Variants in CA8 observed in about 807,000 individuals in gnomAD.
CA8 encodes carbonic anhydrase 8 (inactive), also known as carbonic anhydrase-related protein.
A neutral mutation model predicts 41.4 loss-of-function variants in CA8; 22 were observed. That is an observed-to-expected ratio of 0.53 (90% CI 0.38 to 0.76). CA8 has a LOEUF of 0.76. Among genes scored for constraint, CA8 ranks in the 30% least tolerant of loss-of-function variants. The pLI is 0.00. For synonymous variants in CA8, 121 were observed against 130.6 expected (o/e 0.93, Z 0.50); for missense variants, 270 against 352.8 (o/e 0.77, Z 1.88).
intron 3 of CA8, among the ~76,000 whole-genome samples, chr8:60,243,088 A>C (rs1242960333): frequency 6.6e-6 from 1 of 152,186 alleles, no homozygotes; most frequent in African/African-American, 2.4e-5. Flanking sequence ...CAAGTGTTTA[A>C]ACTCTACAAT....
intron 8 of CA8, among the ~76,000 whole-genome samples, chr8:60,203,736 T>A (rs1302957858): frequency 6.6e-6 from 1 of 152,138 alleles, no homozygotes; most frequent in African/African-American, 2.4e-5. Context: ...TCTGCACTTG[T>A]TTTTTTAGCA....
chr8:60,281,033 C>T lies in CA8; in HGVS notation c.100+15G>A. On this transcript the variant is annotated intron_variant, in intron 1 of 8. Coordinates refer to ENST00000317995, the MANE Select transcript of CA8 (RefSeq NM_004056.6). ...CGCCGCGGGACCCCGGACACCCCGA[C>T]TCGCGGCCACTTACCTTCCTCGTAG... 1 of 1,595,486 alleles carries T rather than the reference C, an allele frequency of 6.3e-7. No individual in the cohort carries two copies.
intron 8 of CA8, among the ~76,000 whole-genome samples, chr8:60,200,906 GTATTTATTAT>G (rs750953676): frequency 0.017 from 2,629 of 152,110 alleles, 32 homozygotes; most frequent in Middle Eastern, 0.048. Context: ...ATTTAATCTT[GTATTTATTAT>G]CTTGTATTTA....
intron 3 of CA8, among the ~76,000 whole-genome samples, chr8:60,245,969 A>G (rs922490149): frequency 2.0e-5 from 3 of 152,218 alleles, no homozygotes; most frequent in Non-Finnish European, 4.4e-5. Flanking sequence ...GTGAACAATC[A>G]TCAATGGCCA....
chr8:60,281,014 G>A (rs370751267), intron 1 of CA8, 34 bp downstream of exon 1: 2 of 1,513,064 alleles, frequency 1.3e-6, no homozygotes, highest in Non-Finnish European at 9.2e-7. Context: ...ACGCCGCCGC[G>A]GGACCCCGGA....
chr8:60,256,826 A>C (rs1808656250), intron 3 of CA8, among the ~76,000 whole-genome samples: 1 of 152,222 alleles, frequency 6.6e-6, no homozygotes, highest in Non-Finnish European at 1.5e-5. Context: ...TGACCTGGAA[A>C]TGTCATATTG....
chr8:60,238,208 T>C (rs1210617239), intron 3 of CA8, among the ~76,000 whole-genome samples: 1 of 152,146 alleles, frequency 6.6e-6, no homozygotes, highest in East Asian at 1.9e-4. Context: ...CTGAGAAAAA[T>C]AAGTTTGAAG....
At chr8:60,261,865 C>G (rs1176047301) in intron 3 of CA8, among the ~76,000 whole-genome samples, 9 of 152,138 alleles carry the variant, frequency 5.9e-5, no homozygotes, top group African/African-American at 1.9e-4. Context: ...GCGCCCGTCA[C>G]CACACCCGGC....
chr8:60,231,916 C>T (rs1807659555), intron 4 of CA8, among the ~76,000 whole-genome samples: 1 of 152,150 alleles, frequency 6.6e-6, no homozygotes, highest in Admixed American at 6.5e-5. Flanking sequence ...TAATCTACTA[C>T]ATACTTCTAT....
At position 60,250,640 on chromosome 8, in the gene CA8, C is replaced by A. The variant is rs965709972; in HGVS notation, c.417+15285G>T. On this transcript the variant is annotated intron_variant, in intron 3 of 8. Transcript: ENST00000317995. Reference sequence around the variant, plus strand: ...TTCTTATGACCAAAGTAATTGGTTACATTTCACTTCATTAGAAGGAAAAGT... The same window carrying A: ...TTCTTATGACCAAAGTAATTGGTTAAATTTCACTTCATTAGAAGGAAAAGT... Among the ~76,000 whole-genome samples, 5 of 152,322 alleles carry A rather than the reference C, an allele frequency of 3.3e-5. No individual in the cohort carries two copies. The East Asian group carries it at 9.6e-4, about 29-fold the overall frequency.
At chr8:60,244,110 G>A (rs1585896646) in intron 3 of CA8, among the ~76,000 whole-genome samples, 1 of 152,234 alleles carries the variant, frequency 6.6e-6, no homozygotes, top group African/African-American at 2.4e-5. Context: ...TCTGGTGATG[G>A]AACCCAAGCC....
At chr8:60,247,408 C>T (rs900860320) in intron 3 of CA8, among the ~76,000 whole-genome samples, 61 of 152,092 alleles carry the variant, frequency 4.0e-4, no homozygotes, top group African/African-American at 1.2e-3. Flanking sequence ...CCTCCCCTTC[C>T]GCTCCACCCC....
intron 2 of CA8, among the ~76,000 whole-genome samples, chr8:60,273,799 G>A (rs1196238009): frequency 6.6e-6 from 1 of 152,242 alleles, no homozygotes; most frequent in Non-Finnish European, 1.5e-5. Flanking sequence ...GAGTTCATCA[G>A]TGACCTTGGC....
chr8:60,236,429 T>C (rs1807832503), intron 3 of CA8, among the ~76,000 whole-genome samples: 1 of 152,204 alleles, frequency 6.6e-6, no homozygotes, highest in African/African-American at 2.4e-5. Context: ...TGTTTCTCTC[T>C]CTTTCTCCCT....
At chr8:60,216,157 GA>G (rs2130446451) in intron 7 of CA8, among the ~76,000 whole-genome samples, 1 of 152,188 alleles carries the variant, frequency 6.6e-6, no homozygotes, top group East Asian at 1.9e-4. Flanking sequence ...CTAACTCCTA[GA>G]ATCACATTCT....
intron 4 of CA8, among the ~76,000 whole-genome samples, chr8:60,230,672 A>G (rs560088547): frequency 1.2e-4 from 18 of 151,636 alleles, no homozygotes; most frequent in African/African-American, 3.9e-4. Flanking sequence ...GAATTTGCAC[A>G]CAGATAACCT....
At chr8:60,252,936 T>C (rs1472662813) in intron 3 of CA8, among the ~76,000 whole-genome samples, 6 of 151,946 alleles carry the variant, frequency 3.9e-5, no homozygotes, top group African/African-American at 1.5e-4. Flanking sequence ...TGAATGGAAT[T>C]AAAAGCAACA....
At position 60,248,991 on chromosome 8, in the gene CA8, T is replaced by C. The variant is rs116774267; in HGVS notation, c.418-16612A>G. ...GGCCCTTCACTTCCCTTGTTAGCTA[T>C]ATTCCCAGCTATTTTATTCCCTTTG... On this transcript the variant is annotated intron_variant, in intron 3 of 8. Coordinates refer to ENST00000317995, the MANE Select transcript of CA8 (RefSeq NM_004056.6). 3.6e-3 allele frequency among the ~76,000 whole-genome samples: 553 copies of C among 152,320 alleles called. 3 individuals are homozygous for C. Among genetic ancestry groups the C allele is most frequent in the African/African-American group, 0.012 (486 of 41,576 alleles).
rs1369431335 is a variant in CA8 at position 60,187,836 on chromosome 8, T to C, written c.*2185A>G. 2.0e-5 allele frequency: 3 copies of C among 152,188 alleles called. No homozygotes were observed. The highest frequency in any genetic ancestry group is 4.4e-5 in the Non-Finnish European group (3 of 68,022). The allele number at this position is 152,188 out of a possible 1,614,324, so 9.4% of individuals were successfully genotyped here. A position where few individuals can be genotyped will look rare whatever the true frequency, so the allele number is the denominator to read the frequency against. On this transcript the variant is annotated 3_prime_UTR_variant, in exon 9 of 9. Coordinates refer to ENST00000317995, the MANE Select transcript of CA8 (RefSeq NM_004056.6). ...TTGTCATTAATTCTCCCCTTTTTCT[T>C]TGGGAGATTCCTGCCCCAATTACAG... is the stretch of plus-strand genomic sequence containing the variant.
Sources: allele counts gnomAD v4.1 joint callset (sites outside exome capture counted in the v4.1 genomes callset), GRCh38; gene constraint gnomAD v4.1.1; transcripts MANE v1.5; gene names NCBI Gene and HGNC (gene_info 2026-07-23, HGNC 2026-07-21).